Variants in ARHGAP24 observed in about 807,000 individuals in gnomAD.
ARHGAP24 encodes the protein rho GTPase-activating protein 24.
Under a neutral mutation model 76.4 loss-of-function variants are expected in ARHGAP24, and 50 were observed. That is an observed-to-expected ratio of 0.65 (90% confidence interval 0.52 to 0.83). The LOEUF (loss-of-function observed/expected upper bound fraction) is 0.83, where lower values mean the gene tolerates loss of function less well. Among genes scored for constraint, ARHGAP24 ranks in the 40% least tolerant of loss-of-function variants. The pLI, the probability that ARHGAP24 is intolerant of heterozygous loss-of-function variation, is 0.00. For missense variants in ARHGAP24, 930 were observed against 914.2 expected, an observed-to-expected ratio of 1.02 and a Z score of -0.22; for synonymous variants, 345 against 323.3, an observed-to-expected ratio of 1.07 and a Z score of -0.72.
At chr4:85,506,243 A>G (rs1287217713) in intron 1 of ARHGAP24, among the ~76,000 whole-genome samples, 1 of 152,176 alleles carries the variant, frequency 6.6e-6, no homozygotes, top group Non-Finnish European at 1.5e-5. Context: ...TCAGAGCTCA[A>G]ACGCCATGCT....
At position 85,748,552 on chromosome 4, in the gene ARHGAP24, C is replaced by G. The variant is rs910627227; in HGVS notation, c.268+26580C>G. ...GAATATATGATCCAGACAAAATTAA[C>G]AGCCAAGTATTTGGACGTTTAAATA... On this transcript the variant is annotated intron_variant, in intron 3 of 9. Transcript: ENST00000395184. Among the ~76,000 whole-genome samples, 8 of 152,102 alleles carry G rather than the reference C, an allele frequency of 5.3e-5. 1 individual carries two copies. Among genetic ancestry groups the G allele is most frequent in the Admixed American group, 5.2e-4 (8 of 15,276 alleles).
At chr4:85,579,451 T>C (rs982981015) in intron 2 of ARHGAP24, among the ~76,000 whole-genome samples, 1 of 151,806 alleles carries the variant, frequency 6.6e-6, no homozygotes, top group African/African-American at 2.4e-5. Flanking sequence ...GCCCTTGATA[T>C]ATTAAATATT....
At chr4:85,567,031 G>A (rs181625038) in intron 1 of ARHGAP24, among the ~76,000 whole-genome samples, 69 of 152,270 alleles carry the variant, frequency 4.5e-4, no homozygotes, top group Non-Finnish European at 9.6e-4. Flanking sequence ...TATGGGGAGG[G>A]ATGGGGAGAA....
At chr4:85,553,105 C>T (rs1227705180) in intron 1 of ARHGAP24, among the ~76,000 whole-genome samples, 5 of 151,510 alleles carry the variant, frequency 3.3e-5, no homozygotes, top group East Asian at 3.9e-4. Context: ...TTCATAAAGG[C>T]AGTGCATCCA....
intron 2 of ARHGAP24, among the ~76,000 whole-genome samples, chr4:85,678,428 C>A (rs1176189096): frequency 6.6e-6 from 1 of 152,162 alleles, no homozygotes; most frequent in African/African-American, 2.4e-5. Flanking sequence ...CAAAGTTCAA[C>A]ACAATCAAGA....
chr4:85,848,928 G>A (rs373420959), intron 3 of ARHGAP24, among the ~76,000 whole-genome samples: 33 of 152,022 alleles, frequency 2.2e-4, no homozygotes, highest in African/African-American at 7.7e-4. Flanking sequence ...TTGGAAATGC[G>A]GGCTCTTTTT....
intron 5 of ARHGAP24, among the ~76,000 whole-genome samples, chr4:85,952,150 T>G (rs1737652226): frequency 6.6e-6 from 1 of 152,154 alleles, no homozygotes; most frequent in Non-Finnish European, 1.5e-5. Flanking sequence ...AAGCAGAGAT[T>G]TAGATGTGTC....
intron 4 of ARHGAP24, among the ~76,000 whole-genome samples, chr4:85,941,769 A>G (rs1170502085): frequency 6.6e-6 from 1 of 152,128 alleles, no homozygotes; most frequent in African/African-American, 2.4e-5. Context: ...AAAACCCCAA[A>G]CTCAAGTTAC....
intron 2 of ARHGAP24, among the ~76,000 whole-genome samples, chr4:85,584,929 G>T (rs771009056): frequency 2.0e-5 from 3 of 152,124 alleles, no homozygotes; most frequent in Non-Finnish European, 4.4e-5. Flanking sequence ...GAGGTCCTAG[G>T]AGAAGGCATA....
chr4:85,973,230 G>A (rs970807322), intron 6 of ARHGAP24, among the ~76,000 whole-genome samples: 5 of 151,416 alleles, frequency 3.3e-5, no homozygotes, highest in Admixed American at 6.6e-5. Context: ...ATCCTAACAC[G>A]AGTAAAGTCG....
At chr4:85,590,667 T>G (rs1391926828) in intron 2 of ARHGAP24, among the ~76,000 whole-genome samples, 2 of 151,968 alleles carry the variant, frequency 1.3e-5, no homozygotes, top group African/African-American at 4.8e-5. Context: ...ACCCTTTCCT[T>G]CTTTTTCTAA....
chr4:85,934,106 C>G (rs1736499059), intron 4 of ARHGAP24, among the ~76,000 whole-genome samples: 1 of 152,216 alleles, frequency 6.6e-6, no homozygotes, highest in Admixed American at 6.5e-5. Flanking sequence ...TCACAAATTC[C>G]TACAACACAC....
chr4:85,989,695 G>A (rs2148866650), intron 8 of ARHGAP24, among the ~76,000 whole-genome samples: 1 of 151,666 alleles, frequency 6.6e-6, no homozygotes, highest in Admixed American at 6.6e-5. Context: ...AGGACCAGTG[G>A]GGTTTATCCC....
At chr4:85,991,165 GA>G (rs1255532603) in intron 8 of ARHGAP24, 8 of 152,032 alleles carry the variant, frequency 5.3e-5, no homozygotes, top group Non-Finnish European at 5.9e-5. Flanking sequence ...TTAGTCATTA[GA>G]AAAACTAAAA....
At chr4:85,930,928 A>G (rs1221285529) in intron 4 of ARHGAP24, 1 of 1,613,990 alleles carries the variant, frequency 6.2e-7, no homozygotes, top group African/African-American at 1.3e-5. Flanking sequence ...TCAGGCCTGT[A>G]CGATGCCTGA....
chr4:85,975,265 C>T (rs538762926), intron 7 of ARHGAP24, among the ~76,000 whole-genome samples: 1 of 152,260 alleles, frequency 6.6e-6, no homozygotes, highest in South Asian at 2.1e-4. Context: ...AAGCATGCCA[C>T]CTTGGCATGA....
At chr4:85,731,908 T>A (rs1425254370) in intron 3 of ARHGAP24, among the ~76,000 whole-genome samples, 1 of 152,222 alleles carries the variant, frequency 6.6e-6, no homozygotes, top group Non-Finnish European at 1.5e-5. Context: ...AAGAAAGTAG[T>A]ACTCTCCTCA....
chr4:85,711,290 G>GGT lies in ARHGAP24; in HGVS notation c.181-10594_181-10593dup, dbSNP rs1392004568. ...AGAGGAGTGGGAAAAATAACTATTG[G>GGT]GTACTAGGCTTAGTACCTGGGTGAC... On this transcript the variant is annotated intron_variant, in intron 2 of 9. Transcript: ENST00000395184. Among the ~76,000 whole-genome samples the GGT allele has an allele frequency of 7.9e-5, 12 of 151,310 alleles. No homozygotes were observed. In the South Asian group the frequency reaches 2.5e-3, roughly 32 times the overall value.
At chr4:85,932,660 T>G (rs1327856948) in intron 4 of ARHGAP24, among the ~76,000 whole-genome samples, 1 of 152,222 alleles carries the variant, frequency 6.6e-6, no homozygotes, top group African/African-American at 2.4e-5. Flanking sequence ...GGCTGTCCTT[T>G]TCTCTTCAAA....
Sources: gnomAD v4.1 joint callset for allele counts (sites outside exome capture counted in the v4.1 genomes callset) on GRCh38, gnomAD v4.1.1 for gene constraint, MANE v1.5 for transcripts, NCBI Gene and HGNC (gene_info 2026-07-23, HGNC 2026-07-21) for gene names.